The following CHCHD6 variants were observed in gnomAD, a reference collection of about 807,000 sequenced individuals.
CHCHD6 encodes the protein coiled-coil-helix-coiled-coil-helix domain containing 6, also known as MICOS complex subunit MIC25.
CHCHD6 carries 28 observed loss-of-function variants against 32.3 expected under a neutral mutation model. The ratio of observed to expected loss-of-function variants is 0.87; its 90% confidence interval spans 0.64 to 1.19. The LOEUF (loss-of-function observed/expected upper bound fraction) is 1.19, where lower values mean the gene tolerates loss of function less well. Among genes scored for constraint, CHCHD6 ranks in the 50% most tolerant of loss-of-function variants. The probability of loss-of-function intolerance (pLI) is 0.00; values close to 1 mark genes in which losing one functional copy is unlikely to be tolerated. For synonymous variants in CHCHD6, 122 were observed against 117.5 expected, an observed-to-expected ratio of 1.04 and a Z score of -0.25; for missense variants, 333 against 307.0, an observed-to-expected ratio of 1.08 and a Z score of -0.63.
rs535346453 is a variant in CHCHD6 at position 126,867,381 on chromosome 3, A to G, written c.495+14651A>G. Among the ~76,000 whole-genome samples, 5 of 152,266 alleles carry G rather than the reference A, an allele frequency of 3.3e-5. No individual in the cohort carries two copies. In the South Asian group the frequency reaches 1.0e-3, roughly 32 times the overall value. On this transcript the variant is annotated intron_variant, in intron 5 of 7. Transcript: ENST00000290913. The stretch of plus-strand genomic sequence containing the variant: ...ATGAATATGCAGCATTTCCTCCTCC[A>G]GCGTTATTGTGTGTTGGTTTTTTCC...
chr3:126,853,188 A>G (rs1234040250), intron 5 of CHCHD6, among the ~76,000 whole-genome samples: 1 of 151,456 alleles, frequency 6.6e-6, no homozygotes, highest in Admixed American at 6.6e-5. Context: ...ACGGCTGCAC[A>G]CTCACTGCTT....
intron 4 of CHCHD6, among the ~76,000 whole-genome samples, chr3:126,735,565 G>A (rs553774216): frequency 1.4e-5 from 2 of 144,156 alleles, no homozygotes; most frequent in East Asian, 4.2e-4. Context: ...TAATTCCTCT[G>A]TGGAAGCTGG....
intron 4 of CHCHD6, among the ~76,000 whole-genome samples, chr3:126,832,757 G>A (rs1940696258): frequency 1.3e-5 from 2 of 152,104 alleles, no homozygotes; most frequent in African/African-American, 4.8e-5. Flanking sequence ...ATGCCTCCTG[G>A]TGGTCTGACC....
At chr3:126,828,776 A>G (rs563578277) in intron 4 of CHCHD6, among the ~76,000 whole-genome samples, 4 of 152,328 alleles carry the variant, frequency 2.6e-5, no homozygotes, top group South Asian at 2.1e-4. Context: ...CCTCAAAGTC[A>G]TCTTAGCAGC....
intron 4 of CHCHD6, among the ~76,000 whole-genome samples, chr3:126,769,370 C>G (rs1937501606): frequency 6.6e-6 from 1 of 152,088 alleles, no homozygotes; most frequent in African/African-American, 2.4e-5. Context: ...TTCCGTTGGT[C>G]TGTGTGTCTG....
At chr3:126,898,536 A>G (rs990704040) in intron 5 of CHCHD6, among the ~76,000 whole-genome samples, 1 of 152,070 alleles carries the variant, frequency 6.6e-6, no homozygotes, top group African/African-American at 2.4e-5. Flanking sequence ...AGTTTAGTTT[A>G]GTTTAGTTTA....
At chr3:126,853,039 G>A (rs1941532046) in intron 5 of CHCHD6, among the ~76,000 whole-genome samples, 1 of 152,120 alleles carries the variant, frequency 6.6e-6, no homozygotes, top group Non-Finnish European at 1.5e-5. Context: ...ACAGGGCGGT[G>A]CTGAGTCCCA....
chr3:126,920,211 CT>C (rs11414526), intron 6 of CHCHD6, among the ~76,000 whole-genome samples: 3,542 of 138,104 alleles, frequency 0.026, 42 homozygotes, highest in African/African-American at 0.044. Flanking sequence ...ATTTGCTTTG[CT>C]TTTTTTTTTT....
At chr3:126,874,921 G>T (rs1459533309) in intron 5 of CHCHD6, among the ~76,000 whole-genome samples, 1 of 152,162 alleles carries the variant, frequency 6.6e-6, no homozygotes, top group Non-Finnish European at 1.5e-5. Flanking sequence ...CCCACCAGCA[G>T]AATGGACCTG....
chr3:126,784,163 C>T (rs1159458227), intron 4 of CHCHD6, among the ~76,000 whole-genome samples: 5 of 152,084 alleles, frequency 3.3e-5, no homozygotes, highest in African/African-American at 1.2e-4. Flanking sequence ...CACTCCCCAC[C>T]GCCTCATGGT....
At chr3:126,798,599 C>T (rs1016922066) in intron 4 of CHCHD6, among the ~76,000 whole-genome samples, 3 of 31,556 alleles carry the variant, frequency 9.5e-5, no homozygotes, top group African/African-American at 3.9e-4. Flanking sequence ...TAGCAGGGTG[C>T]CCCCGCTCTG....
intron 1 of CHCHD6, among the ~76,000 whole-genome samples, chr3:126,725,756 C>T (rs1268346411): frequency 5.3e-5 from 8 of 152,218 alleles, no homozygotes; most frequent in Non-Finnish European, 1.2e-4. Flanking sequence ...TGCTGCTTCA[C>T]CTTGCACTTT....
chr3:126,757,880 A>T (rs1937022526), intron 4 of CHCHD6, among the ~76,000 whole-genome samples: 1 of 152,168 alleles, frequency 6.6e-6, no homozygotes, highest in Non-Finnish European at 1.5e-5. Context: ...AAGAGGGAGG[A>T]GAAAGAGGAA....
At chr3:126,883,251 G>A (rs1050325252) in intron 5 of CHCHD6, among the ~76,000 whole-genome samples, 1 of 152,162 alleles carries the variant, frequency 6.6e-6, no homozygotes, top group Non-Finnish European at 1.5e-5. Flanking sequence ...TGTGAGCTGC[G>A]CTAATTGAAT....
At chr3:126,817,341 C>CT (rs564185365) in intron 4 of CHCHD6, among the ~76,000 whole-genome samples, 23,346 of 139,620 alleles carry the variant, frequency 0.17, 1,997 homozygotes, top group Middle Eastern at 0.32. Context: ...TTCCTCTTGC[C>CT]TTTTTTTTTT....
intron 4 of CHCHD6, among the ~76,000 whole-genome samples, chr3:126,740,890 T>C (rs1223071580): frequency 6.6e-6 from 1 of 152,204 alleles, no homozygotes; most frequent in Admixed American, 6.5e-5. Context: ...TGAACTTTGA[T>C]TTATTTCCTG....
intron 6 of CHCHD6, among the ~76,000 whole-genome samples, chr3:126,916,188 G>A (rs879507174): frequency 7.9e-5 from 12 of 151,888 alleles, no homozygotes; most frequent in Middle Eastern, 3.2e-3. Context: ...ATCACCTGAG[G>A]TCAAGAGTTC....
intron 4 of CHCHD6, among the ~76,000 whole-genome samples, chr3:126,816,888 G>A (rs925478741): frequency 6.6e-6 from 1 of 151,880 alleles, no homozygotes; most frequent in Non-Finnish European, 1.5e-5. Flanking sequence ...ACAGGCCCTG[G>A]TGTGTGATGT....
intron 4 of CHCHD6, among the ~76,000 whole-genome samples, chr3:126,845,474 A>G (rs1194406709): frequency 6.6e-6 from 1 of 152,176 alleles, no homozygotes; most frequent in Non-Finnish European, 1.5e-5. Flanking sequence ...AGCTTCTCAG[A>G]TTTGTTGTCT....
Sources: allele counts gnomAD v4.1 joint callset (sites outside exome capture counted in the v4.1 genomes callset), GRCh38; gene constraint gnomAD v4.1.1; transcripts MANE v1.5; gene names NCBI Gene and HGNC (gene_info 2026-07-23, HGNC 2026-07-21).